Variants in KLF12 observed in about 807,000 individuals in gnomAD.
KLF12 encodes the protein KLF transcription factor 12.
A neutral mutation model predicts 37.8 loss-of-function variants in KLF12; 9 were observed. That is an observed-to-expected ratio of 0.24 (90% CI 0.14 to 0.42). The LOEUF (loss-of-function observed/expected upper bound fraction) is 0.42, where lower values mean the gene tolerates loss of function less well. Ranked by LOEUF, KLF12 falls within the 10% of genes least tolerant of loss-of-function variation. The pLI, the probability that KLF12 is intolerant of heterozygous loss-of-function variation, is 1.00. For synonymous variants in KLF12, 208 were observed against 202.1 expected (o/e 1.03, Z -0.25); for missense variants, 411 against 516.0 (o/e 0.80, Z 1.97).
At chr13:74,000,544 G>T (rs774985590) in intron 1 of KLF12, among the ~76,000 whole-genome samples, 1 of 152,040 alleles carries the variant, frequency 6.6e-6, no homozygotes, top group African/African-American at 2.4e-5. Context: ...TTGAAATTAC[G>T]CTTCCACCCA....
intron 1 of KLF12, among the ~76,000 whole-genome samples, chr13:74,077,794 GA>G (rs1028022054): frequency 6.6e-6 from 1 of 152,150 alleles, no homozygotes; most frequent in African/African-American, 2.4e-5. Flanking sequence ...CTTTGTCCAG[GA>G]ATCTCCCAAA....
At chr13:74,151,915 T>C in the KLF12 span, among the ~76,000 whole-genome samples, 1 of 152,076 alleles carries the variant, frequency 6.6e-6, no homozygotes, top group Non-Finnish European at 1.5e-5. Flanking sequence ...TTTGGCAACA[T>C]GTTAAAAAAT....
the KLF12 span, among the ~76,000 whole-genome samples, chr13:74,183,361 C>T: frequency 6.6e-6 from 1 of 152,160 alleles, no homozygotes; most frequent in Non-Finnish European, 1.5e-5. Context: ...CTCTGGACCT[C>T]TTAATCTTCA....
intron 3 of KLF12, among the ~76,000 whole-genome samples, chr13:73,889,356 A>G (rs2139008700): frequency 6.6e-6 from 1 of 152,270 alleles, no homozygotes. Flanking sequence ...TCTAAGTTCA[A>G]ATTACACTAA....
chr13:74,180,187 A>G, the KLF12 span, among the ~76,000 whole-genome samples: 8 of 152,242 alleles, frequency 5.3e-5, no homozygotes, highest in Admixed American at 4.6e-4. Context: ...ACCTGAACTA[A>G]TAGTAGGTGT....
At chr13:73,820,761 C>G (rs1883480372) in intron 4 of KLF12, among the ~76,000 whole-genome samples, 1 of 152,224 alleles carries the variant, frequency 6.6e-6, no homozygotes, top group Non-Finnish European at 1.5e-5. Context: ...AAAATAACCT[C>G]ATAATGTTCT....
intron 3 of KLF12, among the ~76,000 whole-genome samples, chr13:73,864,257 G>T (rs1198965452): frequency 3.3e-5 from 5 of 152,064 alleles, no homozygotes; most frequent in African/African-American, 1.2e-4. Context: ...CATACAGATA[G>T]CATTACCCAT....
At chr13:74,187,404 C>T in the KLF12 span, among the ~76,000 whole-genome samples, 1 of 152,008 alleles carries the variant, frequency 6.6e-6, no homozygotes. Flanking sequence ...GCTGTGTGGC[C>T]ACGGGCAAGT....
chr13:73,920,217 A>G (rs367907126), intron 3 of KLF12, among the ~76,000 whole-genome samples: 2 of 152,338 alleles, frequency 1.3e-5, no homozygotes, highest in East Asian at 3.9e-4. Context: ...ATGCACAAAT[A>G]TTACACATAA....
chr13:74,089,289 T>C (rs557989623), intron 1 of KLF12, among the ~76,000 whole-genome samples: 1 of 152,156 alleles, frequency 6.6e-6, no homozygotes, highest in African/African-American at 2.4e-5. Context: ...AGTAGATTCA[T>C]TCCATTTTTA....
chr13:73,759,520 CATCA>C (rs1333448708), intron 6 of KLF12, among the ~76,000 whole-genome samples: 2 of 152,150 alleles, frequency 1.3e-5, no homozygotes, highest in African/African-American at 2.4e-5. Context: ...TCTCCCATCC[CATCA>C]ATCTAATGGG....
chr13:74,095,687 C>T (rs551579782), intron 1 of KLF12, among the ~76,000 whole-genome samples: 1 of 152,330 alleles, frequency 6.6e-6, no homozygotes, highest in East Asian at 1.9e-4. Context: ...CTGTGCTCCA[C>T]CTTTCATTGT....
intron 7 of KLF12, among the ~76,000 whole-genome samples, chr13:73,713,253 C>A (rs1391931362): frequency 6.6e-6 from 1 of 152,098 alleles, no homozygotes; most frequent in African/African-American, 2.4e-5. Flanking sequence ...GTTCCAAGAC[C>A]TAAACAGCAC....
chr13:73,872,031 G>A lies in KLF12; in HGVS notation c.124-25658C>T, dbSNP rs570906425. 2.5e-4 allele frequency among the ~76,000 whole-genome samples: 38 copies of A among 152,224 alleles called. 1 individual carries two copies. In the South Asian group the frequency reaches 6.6e-3, roughly 27 times the overall value. On this transcript the variant is annotated intron_variant, in intron 3 of 7. Coordinates refer to ENST00000377669, the MANE Select transcript of KLF12 (RefSeq NM_007249.5). ...ATCATATTAAGGCTTGAATCAAAGC[G>A]GGATTTCCTAGAGAAACTTCTAATT...
intron 2 of KLF12, among the ~76,000 whole-genome samples, chr13:73,990,303 G>C (rs890345090): frequency 6.6e-6 from 1 of 152,022 alleles, no homozygotes; most frequent in African/African-American, 2.4e-5. Flanking sequence ...AGAAAAAATG[G>C]AACAGAATGA....
the KLF12 span, among the ~76,000 whole-genome samples, chr13:74,225,001 A>C: frequency 6.6e-6 from 1 of 152,168 alleles, no homozygotes; most frequent in Non-Finnish European, 1.5e-5. Flanking sequence ...GAAAAATTGG[A>C]ACTTTTAATC....
rs1874005342 is a variant in KLF12, at chr13:73,694,576, C to G, written c.*914G>C. 1 of 152,678 alleles carries G rather than the reference C, an allele frequency of 6.5e-6. No homozygotes were observed. Among genetic ancestry groups the G allele is most frequent in the African/African-American group, 2.4e-5 (1 of 41,444 alleles). 9.5% of individuals were successfully genotyped at this position (152,678 alleles called of 1,614,324 possible). A position where few individuals can be genotyped will look rare whatever the true frequency, so the allele number is the denominator to read the frequency against. On this transcript the variant is annotated 3_prime_UTR_variant, in exon 8 of 8. Transcript: ENST00000377669. Reference sequence around the variant, plus strand: ...TTGCCTGGGCAGCCCCACCTCTTACCTTGGTGCCAGTGTGTCTAAGAAAGT... The same window carrying G: ...TTGCCTGGGCAGCCCCACCTCTTACGTTGGTGCCAGTGTGTCTAAGAAAGT...
intron 2 of KLF12, among the ~76,000 whole-genome samples, chr13:73,989,820 A>T (rs1891918288): frequency 6.6e-6 from 1 of 152,180 alleles, no homozygotes. Context: ...GCCAATGAAG[A>T]ACAATCACAG....
intron 1 of KLF12, among the ~76,000 whole-genome samples, chr13:74,030,546 G>GA (rs1159391823): frequency 3.9e-5 from 6 of 151,926 alleles, no homozygotes; most frequent in Non-Finnish European, 5.9e-5. Context: ...TACTGTTTCA[G>GA]AAAAAAACCT....
Sources: allele counts gnomAD v4.1 joint callset (sites outside exome capture counted in the v4.1 genomes callset), GRCh38; gene constraint gnomAD v4.1.1; transcripts MANE v1.5; gene names NCBI Gene and HGNC (gene_info 2026-07-23, HGNC 2026-07-21).